GPHN: variants seen among roughly 807,000 people sequenced by gnomAD.
GPHN encodes gephyrin.
In GPHN, 17 loss-of-function variants were observed where a neutral mutation model predicts 95.5. That is an observed-to-expected ratio of 0.18 (90% CI 0.12 to 0.27). The LOEUF is 0.27. GPHN is among the 10% of genes least tolerant of loss of function. The pLI is 1.00. For synonymous variants in GPHN, 320 were observed against 322.5 expected (o/e 0.99, Z 0.08); for missense variants, 660 against 978.1 (o/e 0.67, Z 4.34).
the GPHN span, among the ~76,000 whole-genome samples, chr14:67,614,025 C>T: frequency 1.3e-5 from 2 of 152,200 alleles, no homozygotes; most frequent in Non-Finnish European, 2.9e-5. Flanking sequence ...GCCCCGACCT[C>T]TTGGGCTCAA....
intron 9 of GPHN, among the ~76,000 whole-genome samples, chr14:66,993,821 G>C (rs867569803): frequency 3.3e-5 from 5 of 151,802 alleles, no homozygotes; most frequent in Non-Finnish European, 7.4e-5. Context: ...TTCCTTGTTT[G>C]GCATTTTGGC....
chr14:67,303,485 T>C, the GPHN span: 2 of 1,497,040 alleles, frequency 1.3e-6, no homozygotes, highest in Non-Finnish European at 1.9e-6. Flanking sequence ...TTTTCATAAA[T>C]GCAAATTTAA....
the GPHN span, among the ~76,000 whole-genome samples, chr14:67,348,052 A>G: frequency 6.6e-6 from 1 of 151,624 alleles, no homozygotes; most frequent in African/African-American, 2.4e-5. Flanking sequence ...AGCTGGGACA[A>G]CAGGCACATG....
chr14:66,904,566 G>C (rs1428773697), intron 5 of GPHN, among the ~76,000 whole-genome samples: 2 of 152,110 alleles, frequency 1.3e-5, no homozygotes, highest in Admixed American at 1.3e-4. Flanking sequence ...AGACATAAAA[G>C]TTCTCCAAGT....
chr14:66,859,531 G>A (rs1317553862), intron 4 of GPHN, among the ~76,000 whole-genome samples: 1 of 152,192 alleles, frequency 6.6e-6, no homozygotes, highest in Admixed American at 6.5e-5. Flanking sequence ...GATTGCGAAA[G>A]CTAATAAATA....
chr14:67,045,139 CCT>C (rs1195488738), intron 10 of GPHN, among the ~76,000 whole-genome samples: 2 of 152,292 alleles, frequency 1.3e-5, no homozygotes, highest in South Asian at 4.1e-4. Context: ...CCACTGTTCA[CCT>C]AGGATTCTGG....
intron 1 of GPHN, among the ~76,000 whole-genome samples, chr14:66,643,756 T>G (rs894275688): frequency 6.6e-6 from 1 of 151,778 alleles, no homozygotes; most frequent in Non-Finnish European, 1.5e-5. Flanking sequence ...AGGGGAGTTT[T>G]TTTTTTTTTT....
chr14:67,129,392 C>A (rs537153771), intron 17 of GPHN, among the ~76,000 whole-genome samples: 2 of 152,080 alleles, frequency 1.3e-5, no homozygotes, highest in Admixed American at 6.5e-5. Flanking sequence ...TAAAAAGAAG[C>A]CAAAGTCTTG....
At chr14:67,341,696 C>T in the GPHN span, among the ~76,000 whole-genome samples, 19 of 152,190 alleles carry the variant, frequency 1.2e-4, 1 homozygote, top group Admixed American at 1.2e-3. Flanking sequence ...CCCAACAGCT[C>T]ACTGAGAACA....
the GPHN span, among the ~76,000 whole-genome samples, chr14:67,254,715 A>G: frequency 5.9e-5 from 9 of 152,212 alleles, no homozygotes; most frequent in African/African-American, 1.9e-4. Flanking sequence ...CAAGCAAACT[A>G]TCCCCCCACC....
chr14:67,730,989 A>T, the GPHN span, among the ~76,000 whole-genome samples: 7 of 152,200 alleles, frequency 4.6e-5, no homozygotes, highest in South Asian at 4.1e-4. Flanking sequence ...AAATGAGATA[A>T]AAGATATCTC....
chr14:66,512,902 T>G (rs965592071), intron 1 of GPHN, among the ~76,000 whole-genome samples: 9 of 151,932 alleles, frequency 5.9e-5, no homozygotes, highest in Admixed American at 5.9e-4. Context: ...ATATTATATC[T>G]GTTTTGAGAA....
chr14:67,039,156 C>T (rs1037865859), intron 10 of GPHN, among the ~76,000 whole-genome samples: 6 of 152,152 alleles, frequency 3.9e-5, no homozygotes, highest in African/African-American at 1.4e-4. Context: ...ATTGACCAGC[C>T]TTATACCTTA....
intron 3 of GPHN, among the ~76,000 whole-genome samples, chr14:66,820,611 T>C (rs746868963): frequency 6.6e-6 from 1 of 152,170 alleles, no homozygotes; most frequent in Non-Finnish European, 1.5e-5. Context: ...GAGTCTCTTT[T>C]AGTTTGCATC....
At chr14:66,665,050 A>C (rs2065874171) in intron 1 of GPHN, among the ~76,000 whole-genome samples, 2 of 151,804 alleles carry the variant, frequency 1.3e-5, no homozygotes, top group African/African-American at 4.8e-5. Flanking sequence ...ATTCTACCAA[A>C]TGTACAAAGA....
intron 5 of GPHN, among the ~76,000 whole-genome samples, chr14:66,891,975 A>G (rs1180470145): frequency 1.3e-5 from 2 of 152,198 alleles, no homozygotes; most frequent in Non-Finnish European, 2.9e-5. Flanking sequence ...ATAATAATAA[A>G]TAAGTGGTGG....
At chr14:67,645,502 C>A in the GPHN span, 1 of 869,766 alleles carries the variant, frequency 1.1e-6, no homozygotes, top group Non-Finnish European at 1.7e-6. Flanking sequence ...AACTACAGGT[C>A]TTGCCTCACC....
intron 4 of GPHN, among the ~76,000 whole-genome samples, chr14:66,852,438 G>T (rs78240428): frequency 0.012 from 1,834 of 152,366 alleles, 19 homozygotes; most frequent in Non-Finnish European, 0.018. Context: ...CGCGCTAAAT[G>T]CAGGAGTTGA....
chr14:67,037,054 C>T (rs1444428445), intron 10 of GPHN, among the ~76,000 whole-genome samples: 1 of 151,790 alleles, frequency 6.6e-6, no homozygotes, highest in Admixed American at 6.6e-5. Flanking sequence ...TTACAGTAAT[C>T]AAAAAAGTCT....
Sources: gnomAD v4.1 joint callset for allele counts (sites outside exome capture counted in the v4.1 genomes callset) on GRCh38, gnomAD v4.1.1 for gene constraint, MANE v1.5 for transcripts, NCBI Gene and HGNC (gene_info 2026-07-23, HGNC 2026-07-21) for gene names.